CHST11: variants seen among roughly 807,000 people sequenced by gnomAD.
CHST11 encodes the protein C4S-1.
Under a neutral mutation model 30.4 loss-of-function variants are expected in CHST11, and 9 were observed. The observed-to-expected ratio is 0.30, with a 90% confidence interval of 0.18 to 0.52. The LOEUF is 0.52. Among genes scored for constraint, CHST11 ranks in the 20% least tolerant of loss-of-function variants. The pLI is 0.97. For synonymous variants in CHST11, 152 were observed against 187.8 expected, an observed-to-expected ratio of 0.81 and a Z score of 1.56; for missense variants, 348 against 460.6, an observed-to-expected ratio of 0.76 and a Z score of 2.24.
intron 1 of CHST11, among the ~76,000 whole-genome samples, chr12:104,543,534 G>T (rs2038305286): frequency 6.6e-6 from 1 of 152,138 alleles, no homozygotes; most frequent in African/African-American, 2.4e-5. Flanking sequence ...AGAGAAATGT[G>T]GTGTTTTCCC....
At chr12:104,683,787 G>A (rs1318725461) in intron 2 of CHST11, among the ~76,000 whole-genome samples, 1 of 152,182 alleles carries the variant, frequency 6.6e-6, no homozygotes, top group Non-Finnish European at 1.5e-5. Context: ...ACATCTACCA[G>A]GATGAATGAA....
At chr12:104,508,937 T>TCACTACCAC (rs1222214567) in intron 1 of CHST11, among the ~76,000 whole-genome samples, 1 of 152,062 alleles carries the variant, frequency 6.6e-6, no homozygotes, top group African/African-American at 2.4e-5. Context: ...ACCACCACCA[T>TCACTACCAC]CACTACCACC....
chr12:104,573,690 A>C (rs1364320090), intron 1 of CHST11, among the ~76,000 whole-genome samples: 1 of 152,206 alleles, frequency 6.6e-6, no homozygotes, highest in African/African-American at 2.4e-5. Context: ...CCTTCCTTAC[A>C]CCTTATACAA....
intron 1 of CHST11, among the ~76,000 whole-genome samples, chr12:104,569,902 C>T (rs1565990674): frequency 2.0e-5 from 3 of 152,132 alleles, no homozygotes; most frequent in Admixed American, 1.3e-4. Context: ...AGGAAGAGGA[C>T]GGGTTGCGAA....
chr12:104,633,065 A>G (rs1213731340), intron 2 of CHST11, among the ~76,000 whole-genome samples: 2 of 152,200 alleles, frequency 1.3e-5, no homozygotes, highest in Non-Finnish European at 2.9e-5. Flanking sequence ...GAGCTCTTCC[A>G]TCCGGGAATA....
At chr12:104,646,547 C>T (rs1392198033) in intron 2 of CHST11, among the ~76,000 whole-genome samples, 1 of 152,150 alleles carries the variant, frequency 6.6e-6, no homozygotes, top group Non-Finnish European at 1.5e-5. Context: ...TCCTGGCCAA[C>T]ACGGTGAAAC....
At chr12:104,679,284 C>T (rs1436025847) in intron 2 of CHST11, among the ~76,000 whole-genome samples, 1 of 152,132 alleles carries the variant, frequency 6.6e-6, no homozygotes, top group East Asian at 1.9e-4. Context: ...TTCAGGACCC[C>T]AAATGCCTTC....
chr12:104,636,884 C>T (rs1465978263), intron 2 of CHST11, among the ~76,000 whole-genome samples: 1 of 151,656 alleles, frequency 6.6e-6, no homozygotes, highest in Admixed American at 6.6e-5. Context: ...TTTATTTTTG[C>T]ACCCCTGTAC....
intron 1 of CHST11, among the ~76,000 whole-genome samples, chr12:104,495,072 G>A (rs765526421): frequency 2.2e-4 from 33 of 152,192 alleles, no homozygotes; most frequent in Non-Finnish European, 4.1e-4. Context: ...GAGTCATACA[G>A]TATTTCTGTT....
intron 1 of CHST11, among the ~76,000 whole-genome samples, chr12:104,515,738 T>C (rs1327552520): frequency 3.3e-5 from 5 of 151,768 alleles, no homozygotes; most frequent in Non-Finnish European, 7.4e-5. Flanking sequence ...TGGGGACTAT[T>C]AGGAAAGGCC....
intron 2 of CHST11, among the ~76,000 whole-genome samples, chr12:104,653,747 A>G (rs765493568): frequency 1.1e-4 from 16 of 152,128 alleles, no homozygotes; most frequent in Non-Finnish European, 1.9e-4. Flanking sequence ...TCAACTTAAC[A>G]TTATCTCCAG....
intron 2 of CHST11, among the ~76,000 whole-genome samples, chr12:104,627,533 C>T (rs1242530427): frequency 6.6e-6 from 1 of 152,202 alleles, no homozygotes; most frequent in Non-Finnish European, 1.5e-5. Context: ...CACCAAACCG[C>T]AATCAACAGG....
At position 104,757,020 on chromosome 12, in the gene CHST11, C is replaced by T. The variant is rs151275426; in HGVS notation, c.276C>T (p.Asn92=). The change falls in exon 3 of 3, where the codon AAC becomes AAT. Residue 92 remains asparagine, a synonymous_variant. Coordinates refer to ENST00000303694, the MANE Select transcript of CHST11 (RefSeq NM_018413.6). This position sits in a 1 kb window ranked among gnomAD's most constrained non-coding sequence, Gnocchi z 6.5. ...RDQVTDTCRA[N]SATSRKRRVL... ...AGGTGACAGACACGTGCCGAGCCAA[C>T]AGCGCCACAAGCCGTAAGCGGAGGG... is the stretch of plus-strand genomic sequence containing the variant. 318 of 1,613,742 alleles carry T rather than the reference C, an allele frequency of 2.0e-4. 2 individuals carry two copies. Among genetic ancestry groups the T allele is most frequent in the African/African-American group, 3.6e-4 (27 of 75,022 alleles).
intron 1 of CHST11, among the ~76,000 whole-genome samples, chr12:104,584,486 A>G (rs1387297715): frequency 6.6e-6 from 1 of 151,742 alleles, no homozygotes; most frequent in Admixed American, 6.6e-5. Flanking sequence ...TGAACTCCTG[A>G]CCTCAGCTGA....
chr12:104,685,275 A>G (rs1056400817), intron 2 of CHST11, among the ~76,000 whole-genome samples: 1 of 152,208 alleles, frequency 6.6e-6, no homozygotes, highest in Non-Finnish European at 1.5e-5. Context: ...CATGCTTTTT[A>G]TTCAATTTGG....
At chr12:104,474,862 C>T (rs2135956476) in intron 1 of CHST11, among the ~76,000 whole-genome samples, 1 of 152,332 alleles carries the variant, frequency 6.6e-6, no homozygotes, top group South Asian at 2.1e-4. Context: ...AACTACTCCT[C>T]TAAGCCGAAG....
At position 104,527,550 on chromosome 12, in the gene CHST11, G is replaced by A. The variant is rs370265137; in HGVS notation, c.118+70021G>A. ...CTGTCTCCCTCCCCTCCCCACCGAC[G>A]TGGATCTTCTATACTCTTCTGAGAA... is the stretch of plus-strand genomic sequence containing the variant. On this transcript the variant is annotated intron_variant, in intron 1 of 2. Transcript: ENST00000303694. 5.3e-5 allele frequency among the ~76,000 whole-genome samples: 8 copies of A among 152,114 alleles called. No individual in the cohort carries two copies. In the East Asian group the frequency reaches 5.8e-4, roughly 11 times the overall value.
chr12:104,485,799 C>T (rs147678923), intron 1 of CHST11, among the ~76,000 whole-genome samples: 23 of 152,322 alleles, frequency 1.5e-4, no homozygotes, highest in Admixed American at 1.0e-3. Flanking sequence ...CAAATGGAAA[C>T]GGTGGAAACT....
At chr12:104,708,277 G>A (rs1209189841) in intron 2 of CHST11, among the ~76,000 whole-genome samples, 1 of 152,206 alleles carries the variant, frequency 6.6e-6, no homozygotes, top group Non-Finnish European at 1.5e-5. Context: ...ATTTCACAGA[G>A]CCTGATTCGT....
Sources: gnomAD v4.1 joint callset for allele counts (sites outside exome capture counted in the v4.1 genomes callset) on GRCh38, gnomAD v4.1.1 for gene constraint, Gnocchi (gnomAD v3.1) non-coding constraint, MANE v1.5 for transcripts, NCBI Gene and HGNC (gene_info 2026-07-23, HGNC 2026-07-21) for gene names.